GABRR2: variants seen among roughly 807,000 people sequenced by gnomAD.
GABRR2 encodes gamma-aminobutyric acid receptor subunit rho-2.
A neutral mutation model predicts 47.0 loss-of-function variants in GABRR2; 36 were observed. The observed-to-expected ratio is 0.77, with a 90% CI of 0.59 to 1.01. The LOEUF (loss-of-function observed/expected upper bound fraction) is 1.01. Ranked by LOEUF, GABRR2 falls within the 50% of genes least tolerant of loss-of-function variation. GABRR2 has a pLI of 0.00. For missense variants in GABRR2, 587 were observed against 594.6 expected, an observed-to-expected ratio of 0.99 and a Z score of 0.13; for synonymous variants, 204 against 227.5, an observed-to-expected ratio of 0.90 and a Z score of 0.93.
chr6:89,267,820 C>T lies in GABRR2; in HGVS notation c.596-1G>A, dbSNP rs753698776. On this transcript the variant is annotated splice_acceptor_variant, in intron 5 of 8. Coordinates refer to ENST00000402938, the MANE Select transcript of GABRR2 (RefSeq NM_002043.5). LOFTEE classifies it high-confidence loss of function. ...ATTAGATCTTCATCTGTATAGGCAT[C>T]TTTGGGAAGAGGAAAACAAGTTAAT... is the stretch of plus-strand genomic sequence containing the variant. The T allele has an allele frequency of 6.2e-7, 1 of 1,608,542 alleles. No homozygotes were observed. Among genetic ancestry groups the T allele is most frequent in the South Asian group, 1.1e-5 (1 of 90,380 alleles).
chr6:89,284,919 G>A (rs1774308196), intron 2 of GABRR2, among the ~76,000 whole-genome samples: 1 of 152,130 alleles, frequency 6.6e-6, no homozygotes, highest in Non-Finnish European at 1.5e-5. Flanking sequence ...GTTTACCCCT[G>A]CATAAACTAT....
intron 2 of GABRR2, among the ~76,000 whole-genome samples, chr6:89,275,912 C>T (rs1406239865): frequency 6.6e-6 from 1 of 152,112 alleles, no homozygotes; most frequent in African/African-American, 2.4e-5. Context: ...CGGATTAAAG[C>T]TCTCCGGAGT....
At chr6:89,290,448 G>A (rs1473839747) in intron 2 of GABRR2, among the ~76,000 whole-genome samples, 1 of 152,240 alleles carries the variant, frequency 6.6e-6, no homozygotes, top group East Asian at 1.9e-4. Context: ...GTGCCCTCAG[G>A]GGCTCGCCTG....
At chr6:89,287,554 C>T (rs947121918) in intron 2 of GABRR2, among the ~76,000 whole-genome samples, 2 of 152,248 alleles carry the variant, frequency 1.3e-5, no homozygotes, top group African/African-American at 2.4e-5. Flanking sequence ...CCTCCATCGC[C>T]GCCTCGCACA....
rs145018478 is a variant in GABRR2, at chr6:89,314,084, C to T, written c.113+969G>A. On this transcript the variant is annotated intron_variant, in intron 1 of 8. Coordinates refer to ENST00000402938, the MANE Select transcript of GABRR2 (RefSeq NM_002043.5). ...ACTTTAACATACATATTTATAACAG[C>T]ACATGTATGTGATTTGTAAGTAAAT... Among the ~76,000 whole-genome samples, 854 of 149,298 alleles carry T rather than the reference C, an allele frequency of 5.7e-3. 4 individuals are homozygous for T. Among genetic ancestry groups the T allele is most frequent in the Middle Eastern group, 0.017 (5 of 288 alleles).
intron 2 of GABRR2, among the ~76,000 whole-genome samples, chr6:89,284,865 T>C (rs1020557440): frequency 6.6e-6 from 1 of 152,166 alleles, no homozygotes; most frequent in Non-Finnish European, 1.5e-5. Context: ...TTTAGTAGAG[T>C]GTCTGAGGTG....
At position 89,265,731 on chromosome 6, in the gene GABRR2, C is replaced by T. The variant is rs372530086; in HGVS notation, c.771G>A (p.Leu257=). The change falls in exon 7 of 9, where the codon TTG becomes TTA. Residue 257 remains leucine, a synonymous_variant. Coordinates refer to ENST00000402938, the MANE Select transcript of GABRR2 (RefSeq NM_002043.5). ...GCAAGAAGAAGAAGATGTGGCGACGCAACGTGAAGTTAATGTACAGACGGT... is the reference window on the plus strand; with the variant it reads ...GCAAGAAGAAGAAGATGTGGCGACGTAACGTGAAGTTAATGTACAGACGGT... The part of the protein sequence containing the change: ...WYNRLYINFT[L]RRHIFFFLLQ... 2.5e-5 allele frequency: 41 copies of T among 1,614,084 alleles called. No homozygotes were observed. In the African/African-American group the frequency reaches 4.4e-4, roughly 17 times the overall value.
Position 89,292,763 on chromosome 6 carries a change from GATATATCGT to G in GABRR2, c.220+6987_220+6995del, listed in dbSNP as rs1554198089. On this transcript the variant is annotated intron_variant, in intron 2 of 8. Transcript: ENST00000402938. ...ATATAATCGTATATATCGTATATAC[GATATATCGT>G]ATATATCGTATATACGATATATCGT... Among the ~76,000 whole-genome samples the G allele has an allele frequency of 1.3e-4, 5 of 37,310 alleles. 1 individual carries two copies. The highest frequency in any genetic ancestry group is 8.1e-4 in the East Asian group (1 of 1,238). 24.5% of individuals were successfully genotyped at this position (37,310 alleles called of 152,430 possible).
chr6:89,292,888 G>C (rs1774496711), intron 2 of GABRR2, among the ~76,000 whole-genome samples: 1 of 143,788 alleles, frequency 7.0e-6, no homozygotes, highest in African/African-American at 2.5e-5. Context: ...TATATAGAGA[G>C]AAATGAGCTA....
chr6:89,274,901 T>A (rs1774131445), intron 2 of GABRR2, among the ~76,000 whole-genome samples: 1 of 151,736 alleles, frequency 6.6e-6, no homozygotes, highest in Non-Finnish European at 1.5e-5. Flanking sequence ...TAATGAGGGA[T>A]CTGGTAACGC....
Position 89,292,804 on chromosome 6 carries a change from CGT to C in GABRR2, c.220+6953_220+6954del, listed in dbSNP as rs1491471498. Among the ~76,000 whole-genome samples, 180 of 16,292 alleles carry C rather than the reference CGT, an allele frequency of 0.011. 30 individuals are homozygous for C. The East Asian group carries it at 0.27, about 24-fold the overall frequency. 10.7% of individuals were successfully genotyped at this position (16,292 alleles called of 152,430 possible). On this transcript the variant is annotated intron_variant, in intron 2 of 8. Coordinates refer to ENST00000402938, the MANE Select transcript of GABRR2 (RefSeq NM_002043.5). ...CGTATATACGATATATCGTATATATCGTATATACGATATATCGTATATATCGT... is the reference window on the plus strand; with the variant it reads ...CGTATATACGATATATCGTATATATCATATACGATATATCGTATATATCGT...
intron 8 of GABRR2, among the ~76,000 whole-genome samples, chr6:89,260,552 G>A (rs960478840): frequency 5.3e-5 from 8 of 152,214 alleles, no homozygotes; most frequent in Admixed American, 3.9e-4. Context: ...GCATGCTCTC[G>A]CCTGCACTTG....
chr6:89,259,614 C>T (rs1773693729), intron 8 of GABRR2, among the ~76,000 whole-genome samples: 1 of 152,104 alleles, frequency 6.6e-6, no homozygotes, highest in Non-Finnish European at 1.5e-5. Context: ...AGCGATTCTC[C>T]TGCCTCAGCC....
At chr6:89,301,417 G>A (rs1374886053) in intron 1 of GABRR2, among the ~76,000 whole-genome samples, 1 of 152,176 alleles carries the variant, frequency 6.6e-6, no homozygotes, top group Non-Finnish European at 1.5e-5. Context: ...CAAATAGGAA[G>A]AGAGGAAGTC....
intron 2 of GABRR2, among the ~76,000 whole-genome samples, chr6:89,288,484 C>T (rs2127842849): frequency 6.6e-6 from 1 of 152,240 alleles, no homozygotes; most frequent in Non-Finnish European, 1.5e-5. Context: ...CCATCAGCTG[C>T]CACCATCTGA....
At chr6:89,263,864 A>G (rs1419569376) in intron 8 of GABRR2, among the ~76,000 whole-genome samples, 1 of 152,136 alleles carries the variant, frequency 6.6e-6, no homozygotes, top group East Asian at 1.9e-4. Flanking sequence ...GCTACACATA[A>G]AAGGTTTTTT....
At chr6:89,274,383 C>T (rs947378275) in intron 2 of GABRR2, among the ~76,000 whole-genome samples, 2 of 152,206 alleles carry the variant, frequency 1.3e-5, no homozygotes, top group African/African-American at 4.8e-5. Context: ...TCAAGATCTC[C>T]ACTTTGTGGC....
At chr6:89,308,837 C>T (rs73752726) in intron 1 of GABRR2, among the ~76,000 whole-genome samples, 4,599 of 152,306 alleles carry the variant, frequency 0.03, 129 homozygotes, top group African/African-American at 0.066. Flanking sequence ...AGAGCATCTA[C>T]GTTTCTATAG....
In GABRR2 at chr6:89,293,659, C is replaced by T. The variant is rs72923820; in HGVS notation, c.220+6100G>A. ...GAAATTAGCCAGGCACGTTGGTGCACGCCTATAGCCCCAGCTACTCAGGAG... is the reference window on the plus strand; with the variant it reads ...GAAATTAGCCAGGCACGTTGGTGCATGCCTATAGCCCCAGCTACTCAGGAG... On this transcript the variant is annotated intron_variant, in intron 2 of 8. Transcript: ENST00000402938. Among the ~76,000 whole-genome samples, 923 of 152,252 alleles carry T rather than the reference C, an allele frequency of 6.1e-3. 6 individuals are homozygous for T. Among genetic ancestry groups the T allele is most frequent in the Non-Finnish European group, 5.0e-3 (339 of 68,022 alleles).
Sources: gnomAD v4.1 joint callset for allele counts (sites outside exome capture counted in the v4.1 genomes callset) on GRCh38, gnomAD v4.1.1 for gene constraint, MANE v1.5 for transcripts, NCBI Gene and HGNC (gene_info 2026-07-23, HGNC 2026-07-21) for gene names.